The following EXOC6B variants were observed in gnomAD, a reference collection of about 807,000 sequenced individuals.
EXOC6B encodes exocyst complex component 6B, also known as SEC15 homolog B.
In EXOC6B, 54 loss-of-function variants were observed where a neutral mutation model predicts 113.5. That is an observed-to-expected ratio of 0.48 (90% CI 0.38 to 0.60). The LOEUF (loss-of-function observed/expected upper bound fraction) is 0.60. EXOC6B is among the 20% of genes least tolerant of loss of function. EXOC6B has a pLI of 0.00. For synonymous variants in EXOC6B, 357 were observed against 339.0 expected, an observed-to-expected ratio of 1.05 and a Z score of -0.58; for missense variants, 797 against 977.5, an observed-to-expected ratio of 0.82 and a Z score of 2.46.
intron 6 of EXOC6B, among the ~76,000 whole-genome samples, chr2:72,617,076 G>A (rs1436023442): frequency 6.6e-6 from 1 of 152,154 alleles, no homozygotes; most frequent in African/African-American, 2.4e-5. Flanking sequence ...ATCCAGTGGG[G>A]CAGTCAAATC....
intron 20 of EXOC6B, among the ~76,000 whole-genome samples, chr2:72,196,357 T>C (rs1679168542): frequency 1.3e-5 from 2 of 152,256 alleles, no homozygotes; most frequent in Non-Finnish European, 2.9e-5. Flanking sequence ...CCTTATACCC[T>C]GGGTAAATTT....
chr2:72,245,717 G>A (rs1309283631), intron 20 of EXOC6B, among the ~76,000 whole-genome samples: 1 of 152,044 alleles, frequency 6.6e-6, no homozygotes, highest in Non-Finnish European at 1.5e-5. Context: ...TATAATGGTG[G>A]ATACATGTTA....
At chr2:72,641,992 G>A (rs1343072808) in intron 6 of EXOC6B, among the ~76,000 whole-genome samples, 1 of 152,208 alleles carries the variant, frequency 6.6e-6, no homozygotes, top group African/African-American at 2.4e-5. Flanking sequence ...TGCAGCTGAG[G>A]GTCCTGACTG....
intron 18 of EXOC6B, among the ~76,000 whole-genome samples, chr2:72,419,925 G>A (rs1694769716): frequency 6.6e-6 from 1 of 152,012 alleles, no homozygotes; most frequent in Non-Finnish European, 1.5e-5. Flanking sequence ...GTACAACAAT[G>A]TGCATAATAG....
chr2:72,347,965 T>C (rs1689429325), intron 19 of EXOC6B, among the ~76,000 whole-genome samples: 1 of 152,208 alleles, frequency 6.6e-6, no homozygotes, highest in Non-Finnish European at 1.5e-5. Flanking sequence ...GAAATGCCCA[T>C]GATACTACAC....
At chr2:72,498,668 C>A in intron 12 of EXOC6B, 117 bp from the exon 13 acceptor site, 2 of 597,496 alleles carry the variant, frequency 3.3e-6, no homozygotes, top group Non-Finnish European at 5.7e-6. Flanking sequence ...ATTCTTTGAA[C>A]AGCAAATTAA....
At chr2:72,807,997 A>T (rs1387499988) in intron 1 of EXOC6B, among the ~76,000 whole-genome samples, 1 of 152,230 alleles carries the variant, frequency 6.6e-6, no homozygotes, top group East Asian at 1.9e-4. Context: ...GCTTGAGGGG[A>T]TGGATACCCC....
chr2:72,600,847 C>T (rs1670381139), intron 6 of EXOC6B, among the ~76,000 whole-genome samples: 1 of 151,776 alleles, frequency 6.6e-6, no homozygotes, highest in African/African-American at 2.4e-5. Context: ...AAGTAATAAA[C>T]TGGAATTCAT....
intron 6 of EXOC6B, among the ~76,000 whole-genome samples, chr2:72,608,035 C>A (rs922168595): frequency 4.6e-5 from 7 of 152,014 alleles, no homozygotes; most frequent in Non-Finnish European, 1.0e-4. Flanking sequence ...AGGCAATAAT[C>A]AAAATAACAA....
rs113921061 is a variant in EXOC6B, at chr2:72,783,102, T to C, written c.114-41633A>G. 3.3e-3 allele frequency among the ~76,000 whole-genome samples: 506 copies of C among 152,144 alleles called. 2 individuals carry two copies. Among genetic ancestry groups the C allele is most frequent in the African/African-American group, 0.012 (483 of 41,522 alleles). ...TGAGAAACCTCCATACTGTTTTCCA[T>C]AGTGACTGTACTAACTTACATTCCC... is the stretch of plus-strand genomic sequence containing the variant. On this transcript the variant is annotated intron_variant, in intron 1 of 21. Transcript: ENST00000272427.
Position 72,446,148 on chromosome 2 carries a change from T to A in EXOC6B, c.1980+19012A>T. Among the ~76,000 whole-genome samples, 2 of 152,130 alleles carry A rather than the reference T, an allele frequency of 1.3e-5. 1 individual carries two copies. Among genetic ancestry groups the A allele is most frequent in the East Asian group, 3.9e-4 (2 of 5,192 alleles). ...TCCAATAATCCCATTACTAGGTATA[T>A]AACCAGGGGAATATAAATCATTTTG... On this transcript the variant is annotated intron_variant, in intron 18 of 21. Coordinates refer to ENST00000272427, the MANE Select transcript of EXOC6B (RefSeq NM_015189.3).
intron 6 of EXOC6B, among the ~76,000 whole-genome samples, chr2:72,585,752 T>C (rs557919974): frequency 1.3e-5 from 2 of 152,076 alleles, no homozygotes; most frequent in African/African-American, 2.4e-5. Flanking sequence ...ATCAGGAAGA[T>C]AGTGAAACCC....
chr2:72,473,585 T>C (rs1698538941), intron 17 of EXOC6B, among the ~76,000 whole-genome samples: 1 of 152,162 alleles, frequency 6.6e-6, no homozygotes, highest in Non-Finnish European at 1.5e-5. Flanking sequence ...TTATGTTTCT[T>C]GTAGGCAGCA....
chr2:72,532,269 T>A (rs926493667), intron 8 of EXOC6B, among the ~76,000 whole-genome samples: 1 of 152,142 alleles, frequency 6.6e-6, no homozygotes, highest in Non-Finnish European at 1.5e-5. Context: ...CAGTGAATAG[T>A]CATTTCAAAA....
rs182571670 is a variant in EXOC6B at position 72,433,637 on chromosome 2, G to A, written c.1980+31523C>T. Among the ~76,000 whole-genome samples, 602 of 152,186 alleles carry A rather than the reference G, an allele frequency of 4.0e-3. 3 individuals carry two copies. The highest frequency in any genetic ancestry group is 6.5e-3 in the Non-Finnish European group (443 of 67,992). The stretch of plus-strand genomic sequence containing the variant: ...GGTCCTTCACATCCCTTGTAAGTTG[G>A]ATTCCTAGGTATTTTATTCTCTTTG... On this transcript the variant is annotated intron_variant, in intron 18 of 21. Coordinates refer to ENST00000272427, the MANE Select transcript of EXOC6B (RefSeq NM_015189.3).
At chr2:72,222,359 A>T (rs1680931426) in intron 20 of EXOC6B, among the ~76,000 whole-genome samples, 1 of 152,214 alleles carries the variant, frequency 6.6e-6, no homozygotes, top group Non-Finnish European at 1.5e-5. Flanking sequence ...GTATGGGGGA[A>T]AATGTTTTTT....
chr2:72,448,480 G>C (rs938788601), intron 18 of EXOC6B, among the ~76,000 whole-genome samples: 2 of 151,948 alleles, frequency 1.3e-5, no homozygotes, highest in Non-Finnish European at 2.9e-5. Context: ...TTTTATTTAA[G>C]CTATACTAAA....
At chr2:72,433,888 C>G (rs1695697097) in intron 18 of EXOC6B, among the ~76,000 whole-genome samples, 1 of 152,096 alleles carries the variant, frequency 6.6e-6, no homozygotes, top group African/African-American at 2.4e-5. Flanking sequence ...ATTTGAATAC[C>G]CTTTATTTCT....
chr2:72,261,081 A>G (rs1683684120), intron 20 of EXOC6B, among the ~76,000 whole-genome samples: 1 of 152,196 alleles, frequency 6.6e-6, no homozygotes, highest in Non-Finnish European at 1.5e-5. Context: ...CCAGAATACA[A>G]AGAAAAAAGT....
Sources: allele counts gnomAD v4.1 joint callset (sites outside exome capture counted in the v4.1 genomes callset), GRCh38; gene constraint gnomAD v4.1.1; transcripts MANE v1.5; gene names NCBI Gene and HGNC (gene_info 2026-07-23, HGNC 2026-07-21).